Variants in CLDN16 observed in about 807,000 individuals in gnomAD.
CLDN16 encodes claudin-16.
CLDN16 carries 13 observed loss-of-function variants against 24.6 expected under a neutral mutation model. That is an observed-to-expected ratio of 0.53 (90% CI 0.34 to 0.84). The LOEUF is 0.84. Among genes scored for constraint, CLDN16 ranks in the 40% least tolerant of loss-of-function variants. The pLI, the probability that CLDN16 is intolerant of heterozygous loss-of-function variation, is 0.01. For synonymous variants in CLDN16, 116 were observed against 106.7 expected (o/e 1.09, Z -0.54); for missense variants, 298 against 292.7 (o/e 1.02, Z -0.13).
the CLDN16 span, among the ~76,000 whole-genome samples, chr3:190,295,132 T>TA: frequency 1.3e-5 from 2 of 152,170 alleles, no homozygotes; most frequent in Admixed American, 6.5e-5. Flanking sequence ...AGTTATCAGA[T>TA]GCCTACTAAG....
chr3:190,350,779 G>C (rs568377834), intron 1 of CLDN16, among the ~76,000 whole-genome samples: 1 of 152,292 alleles, frequency 6.6e-6, no homozygotes, highest in South Asian at 2.1e-4. Context: ...ATACTAGGCT[G>C]ACCTGTTCCT....
chr3:190,304,687 G>C, the CLDN16 span, among the ~76,000 whole-genome samples: 1 of 152,060 alleles, frequency 6.6e-6, no homozygotes. Context: ...GGGGGTAAAT[G>C]GGGTTTTTGG....
chr3:190,290,398 A>G, the CLDN16 span, among the ~76,000 whole-genome samples: 1 of 152,354 alleles, frequency 6.6e-6, no homozygotes, highest in Admixed American at 6.5e-5. Flanking sequence ...GGCTAAAAGA[A>G]TGGCCACTTG....
chr3:190,390,485 G>T (rs1039168910), intron 1 of CLDN16, among the ~76,000 whole-genome samples: 1 of 152,162 alleles, frequency 6.6e-6, no homozygotes, highest in African/African-American at 2.4e-5. Context: ...ACTGAGCCGA[G>T]ATTGTGCCAC....
intron 1 of CLDN16, among the ~76,000 whole-genome samples, chr3:190,328,145 G>A (rs1027694253): frequency 2.6e-5 from 4 of 151,778 alleles, no homozygotes; most frequent in Admixed American, 2.0e-4. Context: ...CTAGACATGG[G>A]TGGCATGCAC....
rs1240975143 is a variant in CLDN16 at position 190,363,571 on chromosome 3, T to C, written n.122-7322T>C. On this transcript the variant is annotated intron_variant and non_coding_transcript_variant, in intron 1 of 4. Transcript: ENST00000468220. The stretch of plus-strand genomic sequence containing the variant: ...GTGTGTGTGTGTATATATATATATA[T>C]ATATATATATATATATATATATATA... 6.8e-4 allele frequency among the ~76,000 whole-genome samples: 89 copies of C among 130,916 alleles called. 3 individuals are homozygous for C. Among genetic ancestry groups the C allele is most frequent in the East Asian group, 1.2e-3 (5 of 4,032 alleles). 85.9% of individuals were successfully genotyped at this position (130,916 alleles called of 152,430 possible).
At chr3:190,369,599 A>C (rs2108646436) in intron 1 of CLDN16, among the ~76,000 whole-genome samples, 1 of 152,082 alleles carries the variant, frequency 6.6e-6, no homozygotes, top group East Asian at 1.9e-4. Flanking sequence ...AATTGTATGT[A>C]TATCTTAGAA....
chr3:190,363,279 C>T (rs1717939550), intron 1 of CLDN16, among the ~76,000 whole-genome samples: 1 of 151,576 alleles, frequency 6.6e-6, no homozygotes, highest in Non-Finnish European at 1.5e-5. Flanking sequence ...TAGTTACAGG[C>T]ATTCTAGCTG....
intron 1 of CLDN16, among the ~76,000 whole-genome samples, chr3:190,325,815 G>T (rs1327520304): frequency 6.6e-6 from 1 of 152,156 alleles, no homozygotes; most frequent in Admixed American, 6.5e-5. Context: ...AGTGGTAAAA[G>T]CAGAACGAAT....
chr3:190,373,509 T>A (rs1718184622), intron 2 of CLDN16, among the ~76,000 whole-genome samples: 2 of 152,032 alleles, frequency 1.3e-5, no homozygotes, highest in Non-Finnish European at 2.9e-5. Context: ...TTTTTTAACA[T>A]AAAGGCTGTA....
intron 1 of CLDN16, among the ~76,000 whole-genome samples, chr3:190,360,518 G>C (rs1311037480): frequency 6.6e-6 from 1 of 151,842 alleles, no homozygotes; most frequent in Non-Finnish European, 1.5e-5. Flanking sequence ...GTTGAAATAG[G>C]GAGGATGAAT....
chr3:190,384,522 T>G (rs1718440712), upstream of CLDN16, among the ~76,000 whole-genome samples: 1 of 152,152 alleles, frequency 6.6e-6, no homozygotes, highest in Non-Finnish European at 1.5e-5. Context: ...TAAAGCCTCA[T>G]CCAGGAGTAG....
At chr3:190,294,264 C>T in the CLDN16 span, among the ~76,000 whole-genome samples, 10 of 152,240 alleles carry the variant, frequency 6.6e-5, no homozygotes, top group South Asian at 2.1e-3. Flanking sequence ...TCAAAGTAGA[C>T]ACTTAGTTCA....
At chr3:190,331,978 C>A (rs1038585743) in intron 1 of CLDN16, among the ~76,000 whole-genome samples, 1 of 117,286 alleles carries the variant, frequency 8.5e-6, no homozygotes, top group African/African-American at 3.3e-5. Context: ...ATGCTTTTCA[C>A]AAAGCCATTT....
At chr3:190,397,422 A>C (rs1016491597) in intron 1 of CLDN16, among the ~76,000 whole-genome samples, 9 of 152,200 alleles carry the variant, frequency 5.9e-5, no homozygotes, top group African/African-American at 1.9e-4. Flanking sequence ...TTACCCTTTA[A>C]GAAAGGTTAA....
At chr3:190,338,262 T>C (rs1717354409) in intron 1 of CLDN16, among the ~76,000 whole-genome samples, 2 of 152,140 alleles carry the variant, frequency 1.3e-5, no homozygotes, top group Non-Finnish European at 2.9e-5. Flanking sequence ...AACTTAAAGA[T>C]ACAGCTGATA....
At position 190,404,662 on chromosome 3, in the gene CLDN16, G is replaced by A. The variant is rs1003161431; in HGVS notation, c.218-100G>A. ...AGTCTGACTTTTACCGGAGGGGTGTGTTAATGTTACCTACTTGTCTGTTTT... is the reference window on the plus strand; with the variant it reads ...AGTCTGACTTTTACCGGAGGGGTGTATTAATGTTACCTACTTGTCTGTTTT... On this transcript the variant is annotated intron_variant, in intron 2 of 4. Transcript: ENST00000264734. 4 of 1,160,634 alleles carry A rather than the reference G, an allele frequency of 3.4e-6. No individual in the cohort carries two copies. In the African/African-American group the frequency reaches 6.0e-5, roughly 18 times the overall value. The allele number at this position is 1,160,634 out of a possible 1,614,324, so 71.9% of individuals were successfully genotyped here. A position where few individuals can be genotyped will look rare whatever the true frequency, so the allele number is the denominator to read the frequency against.
chr3:190,358,666 T>TAA (rs554584028), intron 1 of CLDN16, among the ~76,000 whole-genome samples: 1 of 151,390 alleles, frequency 6.6e-6, no homozygotes, highest in Non-Finnish European at 1.5e-5. Flanking sequence ...CCTGCAAAAT[T>TAA]AAAAAAAACA....
At chr3:190,333,403 T>G (rs939435289) in intron 1 of CLDN16, among the ~76,000 whole-genome samples, 2 of 152,146 alleles carry the variant, frequency 1.3e-5, no homozygotes, top group African/African-American at 4.8e-5. Context: ...CCATTTTGAG[T>G]GCCTTAAAGT....
Sources: allele counts gnomAD v4.1 joint callset (sites outside exome capture counted in the v4.1 genomes callset), GRCh38; gene constraint gnomAD v4.1.1; transcripts MANE v1.5; gene names NCBI Gene and HGNC (gene_info 2026-07-23, HGNC 2026-07-21).